Variants in ARHGAP24 observed in about 807,000 individuals in gnomAD.
ARHGAP24 encodes rho GTPase-activating protein 24.
In ARHGAP24, 50 loss-of-function variants were observed where a neutral mutation model predicts 76.4. The observed-to-expected ratio is 0.65, with a 90% CI of 0.52 to 0.83. ARHGAP24 has a LOEUF of 0.83. ARHGAP24 is among the 40% of genes least tolerant of loss of function. The probability of loss-of-function intolerance (pLI) is 0.00; values close to 1 mark genes in which losing one functional copy is unlikely to be tolerated. For missense variants in ARHGAP24, 930 were observed against 914.2 expected, an observed-to-expected ratio of 1.02 and a Z score of -0.22; for synonymous variants, 345 against 323.3, an observed-to-expected ratio of 1.07 and a Z score of -0.72.
At chr4:85,976,066 G>A (rs1043378545) in intron 7 of ARHGAP24, among the ~76,000 whole-genome samples, 1 of 152,186 alleles carries the variant, frequency 6.6e-6, no homozygotes, top group East Asian at 1.9e-4. Context: ...ATTCTAGTGG[G>A]TGAGACAGAG....
intron 4 of ARHGAP24, among the ~76,000 whole-genome samples, chr4:85,941,173 A>G (rs1030003237): frequency 6.6e-6 from 1 of 152,152 alleles, no homozygotes; most frequent in Non-Finnish European, 1.5e-5. Flanking sequence ...TCATAAGTTG[A>G]TAATTTTTAC....
chr4:85,694,162 A>G (rs1026799628), intron 2 of ARHGAP24, among the ~76,000 whole-genome samples: 1 of 148,918 alleles, frequency 6.7e-6, no homozygotes, highest in Non-Finnish European at 1.5e-5. Flanking sequence ...TATGTTGTTT[A>G]CTCAAAATTT....
At chr4:85,817,012 T>C (rs1729267398) in intron 3 of ARHGAP24, among the ~76,000 whole-genome samples, 1 of 152,178 alleles carries the variant, frequency 6.6e-6, no homozygotes, top group South Asian at 2.1e-4. Context: ...ATTTCTTCGA[T>C]TATTAGTGAT....
At chr4:85,868,968 G>T (rs1480315335) in intron 3 of ARHGAP24, among the ~76,000 whole-genome samples, 1 of 151,376 alleles carries the variant, frequency 6.6e-6, no homozygotes, top group African/African-American at 2.4e-5. Context: ...TATGTATTTT[G>T]TATATCATAT....
chr4:85,809,055 A>G (rs149934694), intron 3 of ARHGAP24, among the ~76,000 whole-genome samples: 386 of 152,284 alleles, frequency 2.5e-3, no homozygotes, highest in African/African-American at 8.7e-3. Flanking sequence ...GAAAATCATT[A>G]CTCACACCTG....
chr4:85,818,815 T>C (rs948060683), intron 3 of ARHGAP24, among the ~76,000 whole-genome samples: 2 of 152,202 alleles, frequency 1.3e-5, no homozygotes, highest in African/African-American at 4.8e-5. Context: ...TTATTCTCTA[T>C]ATCCAGTTAA....
At chr4:85,533,519 A>G (rs1353341928) in intron 1 of ARHGAP24, among the ~76,000 whole-genome samples, 3 of 152,196 alleles carry the variant, frequency 2.0e-5, no homozygotes, top group African/African-American at 7.2e-5. Context: ...CTCATATTCC[A>G]TGCCTTTGGG....
chr4:85,903,173 T>A (rs1478123300), intron 3 of ARHGAP24, among the ~76,000 whole-genome samples: 1 of 152,236 alleles, frequency 6.6e-6, no homozygotes, highest in Non-Finnish European at 1.5e-5. Context: ...TACACACTTC[T>A]ATACTTCATA....
intron 5 of ARHGAP24, among the ~76,000 whole-genome samples, chr4:85,950,252 G>T (rs970600821): frequency 6.6e-6 from 1 of 152,146 alleles, no homozygotes; most frequent in Non-Finnish European, 1.5e-5. Context: ...CAGCACTTTG[G>T]GAGGCCGAAG....
chr4:85,964,600 G>A (rs1222054439), intron 5 of ARHGAP24, among the ~76,000 whole-genome samples: 1 of 151,976 alleles, frequency 6.6e-6, no homozygotes, highest in Admixed American at 6.6e-5. Context: ...GGAAGGGAAA[G>A]GCAAGTAAGG....
intron 2 of ARHGAP24, among the ~76,000 whole-genome samples, chr4:85,712,894 T>C (rs1226419667): frequency 6.6e-6 from 1 of 152,200 alleles, no homozygotes; most frequent in African/African-American, 2.4e-5. Context: ...TTTACACATT[T>C]TCTAGGGCTG....
intron 1 of ARHGAP24, among the ~76,000 whole-genome samples, chr4:85,494,215 C>A (rs182744675): frequency 6.6e-6 from 1 of 151,948 alleles, no homozygotes; most frequent in Admixed American, 6.6e-5. Context: ...TTGTTACATA[C>A]GTATACATGT....
rs1727712664 is a variant in ARHGAP24, at chr4:85,784,442, C to T, written c.268+62470C>T. ...ATAGGCCTATGGCTTCATCTTAAAG[C>T]TCAATGTGGATATCTGATCAGCAAA... is the stretch of plus-strand genomic sequence containing the variant. On this transcript the variant is annotated intron_variant, in intron 3 of 9. Coordinates refer to ENST00000395184, the MANE Select transcript of ARHGAP24 (RefSeq NM_001025616.3). Among the ~76,000 whole-genome samples, 2 of 152,084 alleles carry T rather than the reference C, an allele frequency of 1.3e-5. 1 individual carries two copies. The highest frequency in any genetic ancestry group is 1.3e-4 in the Admixed American group (2 of 15,260).
chr4:85,560,926 T>C (rs988093050), intron 1 of ARHGAP24, among the ~76,000 whole-genome samples: 16 of 152,184 alleles, frequency 1.1e-4, no homozygotes, highest in Non-Finnish European at 1.9e-4. Flanking sequence ...ACTCAGGATC[T>C]TTGAGGGCTT....
intron 3 of ARHGAP24, among the ~76,000 whole-genome samples, chr4:85,796,466 C>A (rs1242298608): frequency 6.6e-6 from 1 of 151,920 alleles, no homozygotes; most frequent in East Asian, 1.9e-4. Context: ...CAACTCAAGC[C>A]AACATCAGCA....
chr4:85,853,890 G>A (rs1247538619), intron 3 of ARHGAP24, among the ~76,000 whole-genome samples: 4 of 151,924 alleles, frequency 2.6e-5, no homozygotes, highest in Non-Finnish European at 5.9e-5. Flanking sequence ...GGAGGTGGAG[G>A]TTACAATGAG....
intron 1 of ARHGAP24, among the ~76,000 whole-genome samples, chr4:85,529,773 A>G (rs1725179851): frequency 6.6e-6 from 1 of 152,046 alleles, no homozygotes; most frequent in Non-Finnish European, 1.5e-5. Context: ...TTAGCAGACA[A>G]TAAAAATATG....
At chr4:85,840,240 CAT>C (rs535172166) in intron 3 of ARHGAP24, among the ~76,000 whole-genome samples, 122 of 152,248 alleles carry the variant, frequency 8.0e-4, no homozygotes, top group African/African-American at 2.7e-3. Flanking sequence ...CATAACAAGA[CAT>C]GTGATAGAAT....
In ARHGAP24 at chr4:85,765,085, C is replaced by T. The variant is rs1241747861; in HGVS notation, c.268+43113C>T. Among the ~76,000 whole-genome samples, 4 of 151,992 alleles carry T rather than the reference C, an allele frequency of 2.6e-5. No homozygotes were observed. The East Asian group carries it at 7.7e-4, about 29-fold the overall frequency. Reference sequence around the variant, plus strand: ...TTGACTTTTTAAGTGAATGATTTAGCCTAAGAATCAAACTTTACATTTTAA... The same window carrying T: ...TTGACTTTTTAAGTGAATGATTTAGTCTAAGAATCAAACTTTACATTTTAA... On this transcript the variant is annotated intron_variant, in intron 3 of 9. Coordinates refer to ENST00000395184, the MANE Select transcript of ARHGAP24 (RefSeq NM_001025616.3).
Sources: allele counts gnomAD v4.1 joint callset (sites outside exome capture counted in the v4.1 genomes callset), GRCh38; gene constraint gnomAD v4.1.1; transcripts MANE v1.5; gene names NCBI Gene and HGNC (gene_info 2026-07-23, HGNC 2026-07-21).